Variants in ZNF804B observed in about 807,000 individuals in gnomAD.
ZNF804B encodes the protein zinc finger 804B.
In ZNF804B, 80 loss-of-function variants were observed where a neutral mutation model predicts 101.4. That is an observed-to-expected ratio of 0.79 (90% CI 0.66 to 0.95). The LOEUF (loss-of-function observed/expected upper bound fraction) is 0.95, where lower values mean the gene tolerates loss of function less well. Among genes scored for constraint, ZNF804B ranks in the 40% least tolerant of loss-of-function variants. ZNF804B has a pLI of 0.00. For missense variants in ZNF804B, 1,673 were observed against 1,561.9 expected (o/e 1.07, Z -1.20); for synonymous variants, 622 against 558.8 (o/e 1.11, Z -1.59).
intron 1 of ZNF804B, among the ~76,000 whole-genome samples, chr7:88,999,282 T>G (rs1453670481): frequency 6.6e-6 from 1 of 152,148 alleles, no homozygotes; most frequent in Non-Finnish European, 1.5e-5. Flanking sequence ...AATATTGGTA[T>G]TAAAATGTCT....
chr7:88,966,770 A>C (rs1793460367), intron 1 of ZNF804B, among the ~76,000 whole-genome samples: 1 of 151,610 alleles, frequency 6.6e-6, no homozygotes, highest in Non-Finnish European at 1.5e-5. Context: ...ATACACACAC[A>C]CACAAACACA....
chr7:88,946,690 T>G (rs1793135799), intron 1 of ZNF804B, among the ~76,000 whole-genome samples: 1 of 151,938 alleles, frequency 6.6e-6, no homozygotes, highest in Admixed American at 6.6e-5. Flanking sequence ...CCATTTCCTC[T>G]TTGTATCTCT....
intron 1 of ZNF804B, among the ~76,000 whole-genome samples, chr7:89,153,161 G>A (rs6975216): frequency 0.36 from 55,268 of 151,498 alleles, 10,124 homozygotes; most frequent in Middle Eastern, 0.49. Flanking sequence ...AGATGACCTC[G>A]CTCATAGTTC....
At chr7:88,792,170 A>G (rs537772264) in intron 1 of ZNF804B, among the ~76,000 whole-genome samples, 1 of 152,150 alleles carries the variant, frequency 6.6e-6, no homozygotes, top group African/African-American at 2.4e-5. Flanking sequence ...TTTGTATTTT[A>G]TCGGTTAAGG....
chr7:89,113,731 T>A (rs71557027), intron 1 of ZNF804B, among the ~76,000 whole-genome samples: 1 of 152,040 alleles, frequency 6.6e-6, no homozygotes, highest in Admixed American at 6.6e-5. Context: ...GGCGGGCAGA[T>A]CATGAGGTCA....
At chr7:88,991,448 G>T (rs1793845102) in intron 1 of ZNF804B, among the ~76,000 whole-genome samples, 1 of 152,154 alleles carries the variant, frequency 6.6e-6, no homozygotes, top group Admixed American at 6.6e-5. Context: ...TGCTGGGCTT[G>T]ACTCTGTGAC....
At chr7:88,991,472 T>C (rs1793845651) in intron 1 of ZNF804B, among the ~76,000 whole-genome samples, 1 of 152,138 alleles carries the variant, frequency 6.6e-6, no homozygotes, top group Non-Finnish European at 1.5e-5. Flanking sequence ...CTGGAGGGGA[T>C]CCTTCCCGTG....
intron 1 of ZNF804B, among the ~76,000 whole-genome samples, chr7:89,181,812 A>G (rs1788302688): frequency 6.6e-6 from 1 of 152,202 alleles, no homozygotes; most frequent in Admixed American, 6.5e-5. Context: ...TGCTGGCTAT[A>G]AGGATGTGTT....
intron 2 of ZNF804B, among the ~76,000 whole-genome samples, chr7:89,312,477 A>C (rs1790661112): frequency 6.6e-6 from 1 of 152,186 alleles, no homozygotes; most frequent in Non-Finnish European, 1.5e-5. Flanking sequence ...TGCACACCAG[A>C]GTAATTTCTT....
intron 1 of ZNF804B, among the ~76,000 whole-genome samples, chr7:88,802,788 A>G (rs1790610831): frequency 6.6e-6 from 1 of 152,018 alleles, no homozygotes; most frequent in South Asian, 2.1e-4. Context: ...AAATTAATGA[A>G]GGTGGAGTAT....
intron 1 of ZNF804B, among the ~76,000 whole-genome samples, chr7:88,796,255 AT>A (rs538034062): frequency 6.6e-6 from 1 of 152,020 alleles, no homozygotes; most frequent in Non-Finnish European, 1.5e-5. Flanking sequence ...CCTAAGAATA[AT>A]TTTTTCCCTG....
intron 1 of ZNF804B, among the ~76,000 whole-genome samples, chr7:89,090,145 C>A (rs544246027): frequency 3.3e-5 from 5 of 151,988 alleles, no homozygotes; most frequent in African/African-American, 1.2e-4. Flanking sequence ...TAATAGATAA[C>A]ATTTATGTTG....
At chr7:88,912,247 C>T (rs1322108468) in intron 1 of ZNF804B, among the ~76,000 whole-genome samples, 1 of 151,932 alleles carries the variant, frequency 6.6e-6, no homozygotes, top group Non-Finnish European at 1.5e-5. Flanking sequence ...AGGCTTTAGG[C>T]TATTTTTAAT....
At chr7:89,230,472 G>A (rs1789174306) in intron 2 of ZNF804B, among the ~76,000 whole-genome samples, 1 of 151,994 alleles carries the variant, frequency 6.6e-6, no homozygotes, top group African/African-American at 2.4e-5. Flanking sequence ...TATTAAAGGA[G>A]AAAACTAAAG....
At chr7:89,231,204 G>A (rs778119673) in intron 2 of ZNF804B, among the ~76,000 whole-genome samples, 36 of 152,098 alleles carry the variant, frequency 2.4e-4, no homozygotes, top group Non-Finnish European at 4.1e-4. Context: ...TGAGGAAAAT[G>A]CTATTTGTGT....
chr7:89,082,467 TA>T (rs1789710324), intron 1 of ZNF804B, among the ~76,000 whole-genome samples: 1 of 151,702 alleles, frequency 6.6e-6, no homozygotes, highest in South Asian at 2.1e-4. Context: ...ATTTTCCATT[TA>T]AATCCAAAAT....
At chr7:88,911,950 T>G in intron 1 of ZNF804B, among the ~76,000 whole-genome samples, 1 of 151,894 alleles carries the variant, frequency 6.6e-6, no homozygotes, top group East Asian at 1.9e-4. Context: ...TATTTTTAAC[T>G]TTTTTCCTGT....
chr7:89,167,480 A>G (rs1230814981), intron 1 of ZNF804B, among the ~76,000 whole-genome samples: 1 of 151,730 alleles, frequency 6.6e-6, no homozygotes, highest in Non-Finnish European at 1.5e-5. Flanking sequence ...TAATCCCTGT[A>G]TAAGTGAACT....
intron 1 of ZNF804B, among the ~76,000 whole-genome samples, chr7:88,878,976 A>C (rs768924297): frequency 4.6e-5 from 7 of 152,160 alleles, no homozygotes; most frequent in Non-Finnish European, 7.3e-5. Flanking sequence ...ATGCTTCAGT[A>C]CATCAGCGTC....
Sources: allele counts gnomAD v4.1 joint callset (sites outside exome capture counted in the v4.1 genomes callset), GRCh38; gene constraint gnomAD v4.1.1; transcripts MANE v1.5; gene names NCBI Gene and HGNC (gene_info 2026-07-23, HGNC 2026-07-21).